Variants in CDIN1 observed in about 807,000 individuals in gnomAD.
CDIN1 encodes CDAN1-interacting nuclease 1.
In CDIN1, 33 loss-of-function variants were observed where a neutral mutation model predicts 45.3. The observed-to-expected ratio is 0.73, with a 90% CI of 0.55 to 0.97. The LOEUF is 0.97. CDIN1 is among the 50% of genes least tolerant of loss of function. The pLI is 0.00. For missense variants in CDIN1, 303 were observed against 339.4 expected (o/e 0.89, Z 0.84); for synonymous variants, 118 against 124.4 (o/e 0.95, Z 0.34).
At chr15:36,749,458 G>A (rs1372934735) in intron 10 of CDIN1, among the ~76,000 whole-genome samples, 1 of 152,078 alleles carries the variant, frequency 6.6e-6, no homozygotes, top group African/African-American at 2.4e-5. Context: ...AGCTCACCAA[G>A]GTTTCTGAAG....
intron 1 of CDIN1, among the ~76,000 whole-genome samples, chr15:36,596,430 C>T (rs930313872): frequency 7.9e-5 from 12 of 152,052 alleles, no homozygotes; most frequent in Non-Finnish European, 1.0e-4. Context: ...AGGATTTTTG[C>T]ATGAAGATAT....
intron 7 of CDIN1, among the ~76,000 whole-genome samples, chr15:36,694,581 T>C (rs2042358959): frequency 1.3e-5 from 2 of 152,200 alleles, no homozygotes; most frequent in South Asian, 4.1e-4. Context: ...TTCTCTTTTT[T>C]TTTGTTATCT....
intron 10 of CDIN1, among the ~76,000 whole-genome samples, chr15:36,722,687 A>C (rs1157453701): frequency 6.6e-6 from 1 of 152,142 alleles, no homozygotes; most frequent in African/African-American, 2.4e-5. Context: ...CCTGGAATGG[A>C]TAATGTATAA....
Position 36,697,400 on chromosome 15 carries a change from A to G in CDIN1, c.544+10A>G, listed in dbSNP as rs1418064309. 1 of 1,600,828 alleles carries G rather than the reference A, an allele frequency of 6.2e-7. No individual in the cohort carries two copies. Among genetic ancestry groups the G allele is most frequent in the South Asian group, 1.1e-5 (1 of 89,472 alleles). ...AACCTGTCCTTCCTAGGTAAGTATT[A>G]TTCACATCTTCTCTAGCTTGTGTTG... On this transcript the variant is annotated intron_variant, in intron 8 of 10. Coordinates refer to ENST00000566621, the MANE Select transcript of CDIN1 (RefSeq NM_001321759.2).
chr15:36,720,248 T>C (rs992203405), intron 10 of CDIN1, among the ~76,000 whole-genome samples: 4 of 63,464 alleles, frequency 6.3e-5, no homozygotes, highest in Non-Finnish European at 1.1e-4. Context: ...ATTTATTTAT[T>C]ATTTATTATT....
intron 10 of CDIN1, among the ~76,000 whole-genome samples, chr15:36,711,758 G>A (rs936768405): frequency 3.3e-5 from 5 of 152,136 alleles, no homozygotes; most frequent in African/African-American, 7.2e-5. Context: ...AGGAGTAAAC[G>A]TCACAGAAGT....
intron 10 of CDIN1, among the ~76,000 whole-genome samples, chr15:36,733,543 A>G (rs2043907252): frequency 1.3e-5 from 2 of 152,080 alleles, no homozygotes. Flanking sequence ...TACATACATT[A>G]AGACAATACA....
chr15:36,606,628 A>G (rs2038390534), intron 1 of CDIN1, among the ~76,000 whole-genome samples: 2 of 152,220 alleles, frequency 1.3e-5, no homozygotes, highest in Non-Finnish European at 2.9e-5. Context: ...GCAGTCTTGG[A>G]TAATTTAATT....
At chr15:36,776,408 C>T (rs576012077) in intron 10 of CDIN1, among the ~76,000 whole-genome samples, 6 of 152,192 alleles carry the variant, frequency 3.9e-5, no homozygotes, top group Non-Finnish European at 5.9e-5. Context: ...GAGCACCTAC[C>T]GTGTTGATCA....
At chr15:36,656,912 A>C (rs1229498478) in intron 4 of CDIN1, among the ~76,000 whole-genome samples, 1 of 152,160 alleles carries the variant, frequency 6.6e-6, no homozygotes, top group African/African-American at 2.4e-5. Context: ...CATGGTGATA[A>C]TATATGAGGA....
At chr15:36,701,204 A>T (rs1216855722) in intron 8 of CDIN1, among the ~76,000 whole-genome samples, 1 of 152,122 alleles carries the variant, frequency 6.6e-6, no homozygotes, top group Non-Finnish European at 1.5e-5. Flanking sequence ...AAAAGGTGTG[A>T]CGAACTTGCT....
intron 10 of CDIN1, among the ~76,000 whole-genome samples, chr15:36,802,991 C>T (rs749567578): frequency 2.0e-5 from 3 of 152,024 alleles, no homozygotes; most frequent in Non-Finnish European, 4.4e-5. Context: ...GTTTCCTGCA[C>T]TGTCCTCAAC....
chr15:36,589,813 C>T (rs1180343474), intron 1 of CDIN1, among the ~76,000 whole-genome samples: 1 of 152,158 alleles, frequency 6.6e-6, no homozygotes, highest in Non-Finnish European at 1.5e-5. Context: ...CAACAGTTCT[C>T]CATTTCTTAG....
At chr15:36,697,462 T>C in intron 8 of CDIN1, 72 bp downstream of exon 8, 1 of 1,235,012 alleles carries the variant, frequency 8.1e-7, no homozygotes. Flanking sequence ...TTAAAAATCT[T>C]CCACTAAAGG....
chr15:36,626,834 A>G, intron 1 of CDIN1: 1 of 256,366 alleles, frequency 3.9e-6, no homozygotes, highest in South Asian at 4.3e-5. Flanking sequence ...GGGTATTTGC[A>G]TAGGGGTCAT....
intron 10 of CDIN1, among the ~76,000 whole-genome samples, chr15:36,740,136 T>G (rs1455347540): frequency 6.6e-6 from 1 of 152,240 alleles, no homozygotes; most frequent in Non-Finnish European, 1.5e-5. Context: ...TGAGAAATTC[T>G]GTGTCAAGGA....
chr15:36,732,140 C>T (rs1428234862), intron 10 of CDIN1, among the ~76,000 whole-genome samples: 1 of 152,112 alleles, frequency 6.6e-6, no homozygotes, highest in Non-Finnish European at 1.5e-5. Context: ...TCCTTTGCCC[C>T]TCTATAGCCA....
intron 10 of CDIN1, among the ~76,000 whole-genome samples, chr15:36,715,708 A>T (rs1868549272): frequency 6.6e-6 from 1 of 152,200 alleles, no homozygotes; most frequent in South Asian, 2.1e-4. Flanking sequence ...CGATAAGGGT[A>T]AAATATGATT....
chr15:36,673,001 G>A (rs972024430), intron 5 of CDIN1, among the ~76,000 whole-genome samples: 1 of 152,042 alleles, frequency 6.6e-6, no homozygotes, highest in Non-Finnish European at 1.5e-5. Context: ...CAGACGAAAA[G>A]GCATTAGAAG....
Sources: allele counts gnomAD v4.1 joint callset (sites outside exome capture counted in the v4.1 genomes callset), GRCh38; gene constraint gnomAD v4.1.1; transcripts MANE v1.5; gene names NCBI Gene and HGNC (gene_info 2026-07-23, HGNC 2026-07-21).